PRKAG2: variants seen among roughly 807,000 people sequenced by gnomAD.
The protein encoded by PRKAG2 is 5'-AMP-activated protein kinase subunit gamma-2.
In PRKAG2, 26 loss-of-function variants were observed where a neutral mutation model predicts 69.6. That is an observed-to-expected ratio of 0.37 (90% confidence interval 0.27 to 0.52). The LOEUF (loss-of-function observed/expected upper bound fraction) is 0.52, where lower values mean the gene tolerates loss of function less well. PRKAG2 is among the 20% of genes least tolerant of loss of function. The pLI, the probability that PRKAG2 is intolerant of heterozygous loss-of-function variation, is 0.90. For missense variants in PRKAG2, 557 were observed against 740.0 expected (o/e 0.75, Z 2.87); for synonymous variants, 293 against 285.0 (o/e 1.03, Z -0.28).
intron 1 of PRKAG2, among the ~76,000 whole-genome samples, chr7:151,816,966 G>T (rs1228859958): frequency 6.6e-6 from 1 of 152,180 alleles, no homozygotes; most frequent in Non-Finnish European, 1.5e-5. Context: ...GACTTATGGG[G>T]TGTGATGATG....
At position 151,595,432 on chromosome 7, in the gene PRKAG2, A is replaced by G. The variant is rs1306812237; in HGVS notation, c.777T>C (p.Gly259=). The G allele has an allele frequency of 2.5e-6, 4 of 1,613,926 alleles. No homozygotes were observed. Among genetic ancestry groups the G allele is most frequent in the Non-Finnish European group, 3.4e-6 (4 of 1,179,888 alleles). ...GTGACCTCATGAATCGCATGTAAACACCACTTTCTGAGTCTTCTACTGCTA... is the reference window on the plus strand; with the variant it reads ...GTGACCTCATGAATCGCATGTAAACGCCACTTTCTGAGTCTTCTACTGCTA... The part of the protein sequence containing the change: ...EDEAVEDSES[G]VYMRFMRSHK... The change falls in exon 6 of 16, where the codon GGT becomes GGC. Residue 259 remains glycine, a synonymous_variant. Coordinates refer to ENST00000287878, the MANE Select transcript of PRKAG2 (RefSeq NM_016203.4).
intron 1 of PRKAG2, among the ~76,000 whole-genome samples, chr7:151,847,733 G>A (rs918529417): frequency 4.6e-5 from 7 of 152,228 alleles, no homozygotes; most frequent in East Asian, 3.9e-4. Flanking sequence ...TGAGTCTTTC[G>A]AACTGGCTCT....
At chr7:151,723,142 A>G (rs939042046) in intron 3 of PRKAG2, among the ~76,000 whole-genome samples, 1 of 152,188 alleles carries the variant, frequency 6.6e-6, no homozygotes, top group Non-Finnish European at 1.5e-5. Flanking sequence ...GCTGAATGTC[A>G]GTTTAGAATC....
chr7:151,565,465 T>A, intron 12 of PRKAG2, 82 bp from the exon 13 acceptor site: 1 of 1,084,198 alleles, frequency 9.2e-7, no homozygotes, highest in Non-Finnish European at 1.3e-6. Flanking sequence ...ATGACATAAT[T>A]ACTAAAAGTT....
At chr7:151,672,558 G>A (rs1313904832) in intron 4 of PRKAG2, among the ~76,000 whole-genome samples, 3 of 147,954 alleles carry the variant, frequency 2.0e-5, no homozygotes, top group Admixed American at 2.0e-4. Flanking sequence ...CCCAGCCCCC[G>A]GTACCCACCA....
At chr7:151,660,598 T>C (rs974453952) in intron 4 of PRKAG2, among the ~76,000 whole-genome samples, 1 of 152,252 alleles carries the variant, frequency 6.6e-6, no homozygotes, top group African/African-American at 2.4e-5. Context: ...TACTAGATTT[T>C]ATGAAAATAA....
chr7:151,593,942 G>A (rs1473610076), intron 6 of PRKAG2, among the ~76,000 whole-genome samples: 1 of 152,206 alleles, frequency 6.6e-6, no homozygotes, highest in East Asian at 1.9e-4. Context: ...TGGGTGGCAG[G>A]CACAGAATAC....
intron 3 of PRKAG2, among the ~76,000 whole-genome samples, chr7:151,713,858 G>A (rs1388322397): frequency 6.6e-6 from 1 of 152,214 alleles, no homozygotes; most frequent in Non-Finnish European, 1.5e-5. Context: ...TTACAGGCAT[G>A]AGCCACTGCA....
At chr7:151,592,872 C>T (rs1011212984) in intron 6 of PRKAG2, among the ~76,000 whole-genome samples, 2 of 152,108 alleles carry the variant, frequency 1.3e-5, no homozygotes, top group African/African-American at 4.8e-5. Flanking sequence ...AGAAAATACT[C>T]AAATCACCCC....
chr7:151,795,890 T>TAA (rs1491286413), intron 1 of PRKAG2, among the ~76,000 whole-genome samples: 166 of 96,570 alleles, frequency 1.7e-3, no homozygotes, highest in African/African-American at 2.6e-3. Context: ...TATATATATA[T>TAA]CACGATAATA....
At chr7:151,863,805 G>C (rs2079993956) in intron 1 of PRKAG2, among the ~76,000 whole-genome samples, 1 of 151,898 alleles carries the variant, frequency 6.6e-6, no homozygotes, top group East Asian at 1.9e-4. Context: ...CGGCTACTGA[G>C]CAGGCTGAGG....
intron 5 of PRKAG2, among the ~76,000 whole-genome samples, chr7:151,608,031 A>G (rs73730216): frequency 0.012 from 1,831 of 152,224 alleles, 26 homozygotes; most frequent in African/African-American, 0.042. Context: ...TAAGAGAGAG[A>G]GAGAAGATGC....
chr7:151,641,636 C>T (rs1826714721), intron 4 of PRKAG2, among the ~76,000 whole-genome samples: 1 of 151,684 alleles, frequency 6.6e-6, no homozygotes, highest in Admixed American at 6.6e-5. Context: ...CCTTGAACTC[C>T]TGGGCTCAAG....
At chr7:151,716,878 G>A (rs1435176883) in intron 3 of PRKAG2, among the ~76,000 whole-genome samples, 4 of 152,202 alleles carry the variant, frequency 2.6e-5, no homozygotes, top group Non-Finnish European at 4.4e-5. Context: ...CTTCCAGAGC[G>A]TTTTAGGGAA....
intron 1 of PRKAG2, among the ~76,000 whole-genome samples, chr7:151,797,349 T>G (rs1410833907): frequency 6.6e-6 from 1 of 151,546 alleles, no homozygotes; most frequent in African/African-American, 2.4e-5. Context: ...TTGGGCACCC[T>G]GGGGACATTT....
At position 151,777,021 on chromosome 7, in the gene PRKAG2, A is replaced by G. The variant is rs1042226737; in HGVS notation, c.466+4131T>C. On this transcript the variant is annotated intron_variant, in intron 3 of 15. Transcript: ENST00000287878. This position sits in a 1 kb window ranked among gnomAD's most constrained non-coding sequence, Gnocchi z 4.3. ...ACAGCCCCCACATTCCTCAGCCCGC[A>G]GCTGGAGCTCCTGCAGTACAGGAGA... 1.3e-5 allele frequency among the ~76,000 whole-genome samples: 2 copies of G among 152,120 alleles called. No homozygotes were observed. Among genetic ancestry groups the G allele is most frequent in the Non-Finnish European group, 2.9e-5 (2 of 68,010 alleles).
At position 151,557,021 on chromosome 7, in the gene PRKAG2, G is replaced by A; in HGVS notation, c.*180C>T. 9.9e-7 allele frequency: 1 copy of A among 1,011,300 alleles called. No homozygotes were observed. Among genetic ancestry groups the A allele is most frequent in the South Asian group, 1.6e-5 (1 of 64,456 alleles). The allele number at this position is 1,011,300 out of a possible 1,614,324, so 62.6% of individuals were successfully genotyped here. On this transcript the variant is annotated 3_prime_UTR_variant, in exon 16 of 16. Coordinates refer to ENST00000287878, the MANE Select transcript of PRKAG2 (RefSeq NM_016203.4). ...GAAAACAGTCTTTTAATGCAAGCCT[G>A]AATCTTCAAGCACATAAAATCTTTC...
intron 1 of PRKAG2, among the ~76,000 whole-genome samples, chr7:151,852,224 G>A (rs2079588175): frequency 6.6e-6 from 1 of 152,200 alleles, no homozygotes; most frequent in South Asian, 2.1e-4. Context: ...GCCCTGGCGG[G>A]GCACAGAAAC....
chr7:151,594,575 T>A (rs951331409), intron 6 of PRKAG2, among the ~76,000 whole-genome samples: 1 of 152,288 alleles, frequency 6.6e-6, no homozygotes, highest in East Asian at 1.9e-4. Flanking sequence ...AGATTGCCCA[T>A]TTTTGTGATT....
Sources: allele counts gnomAD v4.1 joint callset (sites outside exome capture counted in the v4.1 genomes callset), GRCh38; gene constraint gnomAD v4.1.1; non-coding constraint Gnocchi (gnomAD v3.1); transcripts MANE v1.5; gene names NCBI Gene and HGNC (gene_info 2026-07-23, HGNC 2026-07-21).